Variants in ALG5 observed in about 807,000 individuals in gnomAD.
ALG5 encodes the protein dolichyl-phosphate beta-glucosyltransferase.
ALG5 carries 26 observed loss-of-function variants against 51.8 expected under a neutral mutation model. The ratio of observed to expected loss-of-function variants is 0.50; its 90% confidence interval spans 0.37 to 0.70. The LOEUF is 0.70. Ranked by LOEUF, ALG5 falls within the 30% of genes least tolerant of loss-of-function variation. The probability of loss-of-function intolerance (pLI) is 0.00; values close to 1 mark genes in which losing one functional copy is unlikely to be tolerated. For synonymous variants in ALG5, 141 were observed against 136.1 expected (o/e 1.04, Z -0.25); for missense variants, 311 against 399.3 (o/e 0.78, Z 1.88).
rs78420398 is a variant in ALG5 at position 36,992,434 on chromosome 13, T to G, written c.354+1170A>C. ...TCATTATATAAGTAGCTAAGTGAACTAATAAGACTTTACTATGTTAGGATG... is the reference window on the plus strand; with the variant it reads ...TCATTATATAAGTAGCTAAGTGAACGAATAAGACTTTACTATGTTAGGATG... On this transcript the variant is annotated intron_variant, in intron 4 of 9. Transcript: ENST00000239891. Among the ~76,000 whole-genome samples, 44 of 152,330 alleles carry G rather than the reference T, an allele frequency of 2.9e-4. No individual in the cohort carries two copies. In the East Asian group the frequency reaches 8.5e-3, roughly 29 times the overall value.
chr13:36,994,420 TCTC>T (rs1214634757), intron 3 of ALG5, among the ~76,000 whole-genome samples: 2 of 152,126 alleles, frequency 1.3e-5, no homozygotes, highest in East Asian at 1.9e-4. Context: ...TTACTTCTCT[TCTC>T]CTTATGTAGG....
At chr13:36,993,363 A>G (rs940736794) in intron 4 of ALG5, among the ~76,000 whole-genome samples, 11 of 152,224 alleles carry the variant, frequency 7.2e-5, no homozygotes, top group Non-Finnish European at 1.5e-4. Context: ...TTCCTACCCT[A>G]AAGGCCAGGA....
Position 36,995,023 on chromosome 13 carries a change from A to G in ALG5, c.251T>C (p.Met84Thr), listed in dbSNP as rs774531404. The G allele has an allele frequency of 6.2e-7, 1 of 1,613,496 alleles. No homozygotes were observed. The highest frequency in any genetic ancestry group is 8.5e-7 in the Non-Finnish European group (1 of 1,179,538). The change falls in exon 3 of 10, where the codon ATG becomes ACG. Residue 84 changes from methionine (M) to threonine (T), a missense_variant. By Grantham distance (81) the Met-to-Thr change is moderately conservative. Coordinates refer to ENST00000239891, the MANE Select transcript of ALG5 (RefSeq NM_013338.5). ...CTCTAGATAGCTCAGAGCTTCATCC[A>G]TCATCACAGGCACTTGAAGAAAAAA... ...YNEEKRLPVM[M>T]DEALSYLEKR...
chr13:36,950,725 C>T (rs2058814560), intron 9 of ALG5, among the ~76,000 whole-genome samples: 1 of 152,018 alleles, frequency 6.6e-6, no homozygotes, highest in Non-Finnish European at 1.5e-5. Context: ...GCTGGGAGTA[C>T]AGGAGGCACG....
At chr13:36,962,079 C>T (rs374850184) in intron 8 of ALG5, among the ~76,000 whole-genome samples, 33 of 152,266 alleles carry the variant, frequency 2.2e-4, no homozygotes, top group Admixed American at 5.2e-4. Context: ...TGAGCCACTA[C>T]GCCCAGCCGA....
At chr13:36,987,009 C>G (rs892345743) in intron 5 of ALG5, among the ~76,000 whole-genome samples, 48 of 152,152 alleles carry the variant, frequency 3.2e-4, no homozygotes, top group African/African-American at 1.1e-3. Context: ...ATTTGTGTTT[C>G]CTCAGTCATA....
At position 36,994,324 on chromosome 13, in the gene ALG5, A is replaced by AT. The variant is rs199937433; in HGVS notation, c.286-653dup. On this transcript the variant is annotated intron_variant, in intron 3 of 9. Coordinates refer to ENST00000239891, the MANE Select transcript of ALG5 (RefSeq NM_013338.5). ...TCTAAAAGCAAAGTAAATCAAAACA[A>AT]TTTTTTTTTAAAAAGAACTCACTTA... 1.7e-3 allele frequency among the ~76,000 whole-genome samples: 256 copies of AT among 151,896 alleles called. 1 individual carries two copies. The highest frequency in any genetic ancestry group is 5.7e-3 in the African/African-American group (235 of 41,414).
chr13:36,994,956 G>A (rs1408675015), intron 3 of ALG5, 33 bp downstream of exon 3: 1 of 1,585,988 alleles, frequency 6.3e-7, no homozygotes, highest in African/African-American at 1.4e-5. Context: ...AGTTTTAATT[G>A]GAGATATCAT....
intron 6 of ALG5, among the ~76,000 whole-genome samples, chr13:36,980,010 G>A (rs892446411): frequency 1.6e-4 from 24 of 152,090 alleles, no homozygotes; most frequent in Non-Finnish European, 3.2e-4. Flanking sequence ...TCGCATCACT[G>A]CACTCCAGGC....
intron 7 of ALG5, among the ~76,000 whole-genome samples, chr13:36,970,103 GTGC>G (rs1427359440): frequency 1.3e-5 from 2 of 150,494 alleles, no homozygotes; most frequent in African/African-American, 4.9e-5. Context: ...TATATAAAAT[GTGC>G]TGAAGATCTT....
chr13:36,995,445 G>A lies in ALG5; in HGVS notation c.218C>T (p.Ser73Leu). Residue 73 changes from serine (S) to leucine (L), a missense_variant, in exon 2 of 10, where the codon TCA (serine) becomes TTA (leucine). Transcript: ENST00000239891. ...PTKQLSVVVPSYNEEKRLPVM... is the reference protein window; with the variant it reads ...PTKQLSVVVPLYNEEKRLPVM... ...CTTACACCGTTTTTCTTCATTGTAT[G>A]AAGGCACAACGACAGAAAGTTGTTT... 6.2e-7 allele frequency: 1 copy of A among 1,612,422 alleles called. No individual in the cohort carries two copies. The highest frequency in any genetic ancestry group is 8.5e-7 in the Non-Finnish European group (1 of 1,179,640).
intron 8 of ALG5, among the ~76,000 whole-genome samples, chr13:36,959,735 C>T (rs1225720196): frequency 1.3e-5 from 2 of 151,970 alleles, no homozygotes; most frequent in South Asian, 2.1e-4. Flanking sequence ...CTCTACCTAA[C>T]TATAAAACAA....
rs1247646076 is a variant in ALG5, at chr13:36,989,556, C to G, written c.375G>C (p.Gln125His). ...CACGTACTTTGTCACTTCCATATTTCTGGCAATATTTAAAAGCTACCTATG... is the reference window on the plus strand; with the variant it reads ...CACGTACTTTGTCACTTCCATATTTGTGGCAATATTTAAAAGCTACCTATG... ...QTSKVAFKYC[Q>H]KYGSDKVRVI... The change falls in exon 5 of 10, where the codon CAG becomes CAC. Residue 125 changes from glutamine to histidine, a missense_variant. By Grantham distance (24) the Gln-to-His change is conservative (BLOSUM62 0). Coordinates refer to ENST00000239891, the MANE Select transcript of ALG5 (RefSeq NM_013338.5). The G allele has an allele frequency of 6.2e-7, 1 of 1,611,874 alleles. No homozygotes were observed. The highest frequency in any genetic ancestry group is 2.2e-5 in the East Asian group (1 of 44,852).
At chr13:36,992,929 C>T (rs1161850697) in intron 4 of ALG5, among the ~76,000 whole-genome samples, 2 of 152,128 alleles carry the variant, frequency 1.3e-5, no homozygotes, top group African/African-American at 4.8e-5. Flanking sequence ...TGCTTGTCCT[C>T]CCTGGGAGGG....
At chr13:36,982,624 TAAG>T (rs1285592572) in intron 6 of ALG5, among the ~76,000 whole-genome samples, 2 of 152,232 alleles carry the variant, frequency 1.3e-5, no homozygotes, top group Admixed American at 1.3e-4. Context: ...ATTACATAAG[TAAG>T]AAGATTTCTT....
At chr13:36,980,917 T>C (rs2058976550) in intron 6 of ALG5, among the ~76,000 whole-genome samples, 1 of 152,044 alleles carries the variant, frequency 6.6e-6, no homozygotes, top group African/African-American at 2.4e-5. Context: ...GAGGTTGCAG[T>C]GAGCTGAGAT....
At chr13:36,994,153 A>G (rs2059038361) in intron 3 of ALG5, among the ~76,000 whole-genome samples, 1 of 152,216 alleles carries the variant, frequency 6.6e-6, no homozygotes, top group African/African-American at 2.4e-5. Context: ...TGAAGATTAC[A>G]CGTAATTGAA....
At chr13:36,980,385 C>A (rs1163994991) in intron 6 of ALG5, among the ~76,000 whole-genome samples, 1 of 151,986 alleles carries the variant, frequency 6.6e-6, no homozygotes, top group East Asian at 1.9e-4. Context: ...CAGGTGTGCG[C>A]TACGACACCT....
At position 36,993,633 on chromosome 13, in the gene ALG5, C is replaced by A; in HGVS notation, c.325G>T (p.Asp109Tyr). 6.2e-7 allele frequency: 1 copy of A among 1,613,804 alleles called. No homozygotes were observed. Among genetic ancestry groups the A allele is most frequent in the Non-Finnish European group, 8.5e-7 (1 of 1,179,958 alleles). Residue 109 changes from aspartate (D) to tyrosine (Y), a missense_variant, in exon 4 of 10, where the codon GAT becomes TAT. Coordinates refer to ENST00000239891, the MANE Select transcript of ALG5 (RefSeq NM_013338.5). ...PAFTYEVIVVDDGSKDQTSKV... is the reference protein window; with the variant it reads ...PAFTYEVIVVYDGSKDQTSKV... The stretch of plus-strand genomic sequence containing the variant: ...GAGGTCTGATCTTTACTGCCATCAT[C>A]AACTACTATCACTTCATAAGTGAAC...
Sources: gnomAD v4.1 joint callset for allele counts (sites outside exome capture counted in the v4.1 genomes callset) on GRCh38, gnomAD v4.1.1 for gene constraint, MANE v1.5 for transcripts, NCBI Gene and HGNC (gene_info 2026-07-23, HGNC 2026-07-21) for gene names.